The following GBE1 variants were observed in gnomAD, a reference collection of about 807,000 sequenced individuals.
GBE1 encodes the protein 1,4-alpha-glucan branching enzyme 1.
GBE1 carries 70 observed loss-of-function variants against 88.8 expected under a neutral mutation model. That is an observed-to-expected ratio of 0.79 (90% CI 0.65 to 0.96). The LOEUF (loss-of-function observed/expected upper bound fraction) is 0.96. Ranked by LOEUF, GBE1 falls within the 40% of genes least tolerant of loss-of-function variation. The pLI is 0.00. For missense variants in GBE1, 872 were observed against 871.0 expected (o/e 1.00, Z -0.01); for synonymous variants, 284 against 300.1 (o/e 0.95, Z 0.56).
chr3:81,674,544 G>T (rs1168914422), intron 2 of GBE1, among the ~76,000 whole-genome samples: 2 of 151,824 alleles, frequency 1.3e-5, no homozygotes, highest in East Asian at 3.9e-4. Context: ...ACTGAAAATT[G>T]ATTTTAAGTA....
chr3:81,585,586 A>AAGT (rs1021853261), intron 10 of GBE1, among the ~76,000 whole-genome samples: 1 of 152,198 alleles, frequency 6.6e-6, no homozygotes, highest in African/African-American at 2.4e-5. Flanking sequence ...ATGATGTGCA[A>AAGT]AGTACCATGT....
At chr3:81,689,057 T>C (rs116325269) in intron 2 of GBE1, among the ~76,000 whole-genome samples, 1 of 152,270 alleles carries the variant, frequency 6.6e-6, no homozygotes, top group South Asian at 2.1e-4. Context: ...ATTTCTACAT[T>C]TATAAGACAT....
intron 1 of GBE1, among the ~76,000 whole-genome samples, chr3:81,729,422 G>A (rs540590955): frequency 1.6e-3 from 243 of 152,266 alleles, no homozygotes; most frequent in Non-Finnish European, 2.9e-3. Flanking sequence ...CTCAGTGACA[G>A]CCTCTCCAAT....
intron 2 of GBE1, among the ~76,000 whole-genome samples, chr3:81,705,020 C>T (rs1337079633): frequency 1.3e-5 from 2 of 152,144 alleles, no homozygotes; most frequent in South Asian, 4.1e-4. Flanking sequence ...CTGAAGACTC[C>T]GAAAAGAGTA....
At chr3:81,682,812 A>G in intron 2 of GBE1, among the ~76,000 whole-genome samples, 1 of 152,260 alleles carries the variant, frequency 6.6e-6, no homozygotes, top group East Asian at 1.9e-4. Flanking sequence ...TGTTCATAGT[A>G]GAATTACTCA....
chr3:81,672,408 AAAC>A (rs1399687565), intron 2 of GBE1, among the ~76,000 whole-genome samples: 1 of 152,044 alleles, frequency 6.6e-6, no homozygotes, highest in African/African-American at 2.4e-5. Context: ...TAGTATAATT[AAAC>A]AACTGGATGC....
At chr3:81,592,896 C>T (rs1033543096) in intron 8 of GBE1, among the ~76,000 whole-genome samples, 1 of 152,034 alleles carries the variant, frequency 6.6e-6, no homozygotes, top group Admixed American at 6.6e-5. Context: ...AACTTCTTTC[C>T]CAGGAACATT....
At chr3:81,530,105 A>G (rs2106861844) in intron 14 of GBE1, among the ~76,000 whole-genome samples, 1 of 151,938 alleles carries the variant, frequency 6.6e-6, no homozygotes, top group East Asian at 2.0e-4. Flanking sequence ...GCTCTTGAGA[A>G]ACTCTGATGC....
intron 7 of GBE1, among the ~76,000 whole-genome samples, chr3:81,604,286 CTT>C (rs775592244): frequency 1.8e-5 from 1 of 54,926 alleles, no homozygotes; most frequent in African/African-American, 1.3e-4. Flanking sequence ...TTCTTTCTTT[CTT>C]TTTTTTTTTT....
chr3:81,583,015 C>A (rs1197280728), intron 10 of GBE1, among the ~76,000 whole-genome samples: 1 of 151,866 alleles, frequency 6.6e-6, no homozygotes, highest in East Asian at 1.9e-4. Context: ...ATATAAAGAA[C>A]CCTCAAAACT....
chr3:81,734,479 C>G (rs1706230014), intron 1 of GBE1, among the ~76,000 whole-genome samples: 1 of 152,128 alleles, frequency 6.6e-6, no homozygotes, highest in Non-Finnish European at 1.5e-5. Context: ...TTAAGTTTTG[C>G]AAGATTACCA....
At chr3:81,679,345 C>T (rs534904461) in intron 2 of GBE1, among the ~76,000 whole-genome samples, 5 of 152,254 alleles carry the variant, frequency 3.3e-5, no homozygotes, top group African/African-American at 9.6e-5. Flanking sequence ...CTCCAATCAG[C>T]TGGATATGAG....
intron 1 of GBE1, among the ~76,000 whole-genome samples, chr3:81,710,232 C>CTATTTTTTTTT (rs1705841675): frequency 1.1e-5 from 1 of 93,206 alleles, no homozygotes; most frequent in African/African-American, 4.6e-5. Context: ...GGTAATTAAT[C>CTATTTTTTTTT]TTTTTTTTTT....
At chr3:81,608,613 A>T (rs1704133137) in intron 7 of GBE1, among the ~76,000 whole-genome samples, 1 of 152,148 alleles carries the variant, frequency 6.6e-6, no homozygotes, top group Admixed American at 6.5e-5. Flanking sequence ...AACAATACAT[A>T]CATGAGATAA....
At chr3:81,509,136 G>T (rs906714808) in intron 14 of GBE1, among the ~76,000 whole-genome samples, 1 of 151,748 alleles carries the variant, frequency 6.6e-6, no homozygotes, top group Non-Finnish European at 1.5e-5. Context: ...ACTTGACTTG[G>T]CCTCTTCTTC....
chr3:81,754,659 A>C (rs373464105), intron 1 of GBE1, among the ~76,000 whole-genome samples: 1 of 152,206 alleles, frequency 6.6e-6, no homozygotes, highest in African/African-American at 2.4e-5. Context: ...TGGAGAACTC[A>C]GATCTAAATA....
At chr3:81,651,021 T>C (rs543937091) in intron 3 of GBE1, among the ~76,000 whole-genome samples, 6 of 152,300 alleles carry the variant, frequency 3.9e-5, no homozygotes, top group African/African-American at 1.4e-4. Flanking sequence ...CTAAACTTTC[T>C]AAAAGGAGGT....
chr3:81,639,590 A>T (rs1303443114), intron 7 of GBE1, among the ~76,000 whole-genome samples: 1 of 152,150 alleles, frequency 6.6e-6, no homozygotes, highest in Non-Finnish European at 1.5e-5. Flanking sequence ...TTTATTAGAT[A>T]AACTAACAAG....
At chr3:81,513,810 C>T (rs1448704793) in intron 14 of GBE1, among the ~76,000 whole-genome samples, 1 of 151,638 alleles carries the variant, frequency 6.6e-6, no homozygotes, top group African/African-American at 2.4e-5. Flanking sequence ...TTAATTCTGA[C>T]AACAATTCTA....
Sources: allele counts gnomAD v4.1 joint callset (sites outside exome capture counted in the v4.1 genomes callset), GRCh38; gene constraint gnomAD v4.1.1; transcripts MANE v1.5; gene names NCBI Gene and HGNC (gene_info 2026-07-23, HGNC 2026-07-21).